The following PFKL variants were observed in gnomAD, a reference collection of about 807,000 sequenced individuals.
The protein encoded by PFKL is phosphofructokinase, liver type, also known as ATP-dependent 6-phosphofructokinase, liver type.
PFKL carries 74 observed loss-of-function variants against 92.1 expected under a neutral mutation model. That is an observed-to-expected ratio of 0.80 (90% confidence interval 0.67 to 0.97). The LOEUF is 0.97. PFKL is among the 50% of genes least tolerant of loss of function. PFKL has a pLI of 0.00. For missense variants in PFKL, 1,028 were observed against 1,116.6 expected, an observed-to-expected ratio of 0.92 and a Z score of 1.13; for synonymous variants, 494 against 456.4, an observed-to-expected ratio of 1.08 and a Z score of -1.05.
rs117002265 is a variant in PFKL at position 44,317,686 on chromosome 21, A to C, written c.937-784A>C. On this transcript the variant is annotated intron_variant, in intron 9 of 21. Transcript: ENST00000349048. ...TTGTGCTCCCTGAGCCCGTATTCCC[A>C]CTGGGTGCTGCGAAGGGGCCAGGGG... Among the ~76,000 whole-genome samples the C allele has an allele frequency of 2.1e-3, 326 of 152,188 alleles. 2 individuals are homozygous for C. The highest frequency in any genetic ancestry group is 7.1e-3 in the African/African-American group (293 of 41,524).
rs766427844 is a variant in PFKL, at chr21:44,300,111, C to T, written c.6C>T (p.Ala2=). The change falls in exon 1 of 22, where the codon GCC becomes GCT. Residue 2 remains alanine, a synonymous_variant. Transcript: ENST00000349048. ...CCCGTGTTTCGGCCGCCGCCATGGC[C>T]GCGGTGGACCTGGAGAAGCTGCGGG... M[A]AVDLEKLRAS... The T allele has an allele frequency of 2.6e-6, 3 of 1,163,468 alleles. No homozygotes were observed. Among genetic ancestry groups the T allele is most frequent in the East Asian group, 7.6e-5 (1 of 13,184 alleles). 72.1% of individuals were successfully genotyped at this position (1,163,468 alleles called of 1,614,324 possible).
At chr21:44,310,923 G>A (rs1297346244) in intron 2 of PFKL, 83 bp from the exon 3 acceptor site, 12 of 922,826 alleles carry the variant, frequency 1.3e-5, no homozygotes, top group Non-Finnish European at 2.1e-5. Context: ...TCTGCTGGTG[G>A]GGTGAAAATC....
In PFKL at chr21:44,326,055, G is replaced by T; in HGVS notation, c.2084G>T (p.Arg695Leu). ...WLSEKLREVY[R>L]KGRVFANAPD... ...TCGGAGAAGCTGCGCGAGGTTTACC[G>T]CAAGGGTAGGTGGTGGGTGCGACCC... The change falls in exon 20 of 22, where the codon CGC (arginine) becomes CTC (leucine). Residue 695 changes from arginine to leucine, a missense_variant. Physicochemically the swap from Arg to Leu is moderately radical, Grantham distance 102. Transcript: ENST00000349048. The T allele has an allele frequency of 1.9e-6, 3 of 1,613,342 alleles. No individual in the cohort carries two copies. Among genetic ancestry groups the T allele is most frequent in the Non-Finnish European group, 2.5e-6 (3 of 1,179,680 alleles).
At chr21:44,310,396 C>T (rs1718993779) in intron 2 of PFKL, among the ~76,000 whole-genome samples, 1 of 152,138 alleles carries the variant, frequency 6.6e-6, no homozygotes, top group African/African-American at 2.4e-5. Flanking sequence ...GCCCTACGAG[C>T]GATGGCCACT....
intron 2 of PFKL, among the ~76,000 whole-genome samples, chr21:44,310,549 ACCCCGCCGGCCGCATG>A (rs2047012040): frequency 6.6e-6 from 1 of 152,076 alleles, no homozygotes; most frequent in African/African-American, 2.4e-5. Flanking sequence ...CGCGCCGCAC[ACCCCGCCGGCCGCATG>A]CCTGGGAGGA....
Position 44,326,868 on chromosome 21 carries a change from G to T in PFKL, c.*6G>T. 6.2e-7 allele frequency: 1 copy of T among 1,603,084 alleles called. No homozygotes were observed. The highest frequency in any genetic ancestry group is 8.5e-7 in the Non-Finnish European group (1 of 1,175,344). On this transcript the variant is annotated 3_prime_UTR_variant, in exon 22 of 22. Coordinates refer to ENST00000349048, the MANE Select transcript of PFKL (RefSeq NM_002626.6). Reference sequence around the variant, plus strand: ...GCATGGACAAGGGCTTCTGAGGCCAGCCATGCCCACGCCCCTCCCCAGCCC... The same window carrying T: ...GCATGGACAAGGGCTTCTGAGGCCATCCATGCCCACGCCCCTCCCCAGCCC...
In PFKL at chr21:44,324,662, C is replaced by T; in HGVS notation, c.1815+7C>T. On this transcript the variant is annotated splice_region_variant and intron_variant, in intron 17 of 21. Transcript: ENST00000349048. ...CAACATCCACGACTTAAAGGTGAGC[C>T]CAGCCCAGCCCCTGCTGCGGCAGAC... is the stretch of plus-strand genomic sequence containing the variant. The T allele has an allele frequency of 3.2e-6, 5 of 1,572,472 alleles. No individual in the cohort carries two copies. The highest frequency in any genetic ancestry group is 4.3e-6 in the Non-Finnish European group (5 of 1,156,836).
intron 18 of PFKL, 78 bp downstream of exon 18, chr21:44,324,995 G>A: frequency 7.0e-7 from 1 of 1,418,702 alleles, no homozygotes; most frequent in Non-Finnish European, 9.8e-7. Context: ...AGGAGCGGCT[G>A]GGCAGGAGAA....
Position 44,306,770 on chromosome 21 carries a change from G to C in PFKL, c.159+16G>C, listed in dbSNP as rs1373825294. ...CATCTACGAGGTAAGGCCAAGGTGG[G>C]CTGTGTGTGTGCAGGGAGTGGGGAC... On this transcript the variant is annotated intron_variant, in intron 2 of 21. Coordinates refer to ENST00000349048, the MANE Select transcript of PFKL (RefSeq NM_002626.6). 1.2e-6 allele frequency: 2 copies of C among 1,611,358 alleles called. No homozygotes were observed. Among genetic ancestry groups the C allele is most frequent in the East Asian group, 4.5e-5 (2 of 44,850 alleles).
At chr21:44,308,960 A>G (rs1340647679) in intron 2 of PFKL, among the ~76,000 whole-genome samples, 1 of 152,096 alleles carries the variant, frequency 6.6e-6, no homozygotes, top group African/African-American at 2.4e-5. Context: ...CTTTCTTCCT[A>G]CGATGACCTC....
intron 2 of PFKL, among the ~76,000 whole-genome samples, chr21:44,308,885 A>G (rs897879940): frequency 3.3e-5 from 5 of 152,282 alleles, no homozygotes; most frequent in Admixed American, 6.5e-5. Flanking sequence ...AGGGGATTCA[A>G]TGGGCTTGGA....
chr21:44,322,286 A>C, intron 14 of PFKL, 83 bp downstream of exon 14: 2 of 1,349,192 alleles, frequency 1.5e-6, no homozygotes, highest in Non-Finnish European at 1.0e-6. Flanking sequence ...GGCAAGGGGA[A>C]CCCAGCCCGG....
Position 44,325,708 on chromosome 21 carries a change from C to T in PFKL, c.1990-253C>T. 7.2e-6 allele frequency: 4 copies of T among 553,828 alleles called. No individual in the cohort carries two copies. The South Asian group carries it at 8.9e-5, about 12-fold the overall frequency. The allele number at this position is 553,828 out of a possible 1,614,324, so 34.3% of individuals were successfully genotyped here. ...GGGCCGCTGGCTGCCGATGCAGGGC[C>T]CAGGAGTCACTTGACTTGGCCAGGG... On this transcript the variant is annotated intron_variant, in intron 19 of 21. Transcript: ENST00000349048.
At chr21:44,317,872 C>T (rs1026427979) in intron 9 of PFKL, among the ~76,000 whole-genome samples, 13 of 152,374 alleles carry the variant, frequency 8.5e-5, no homozygotes, top group East Asian at 1.9e-4. Context: ...GTGTGGAACA[C>T]GGAGGGCTGT....
rs777722162 is a variant in PFKL, at chr21:44,318,532, C to G, written c.999C>G (p.Ala333=). 1 of 1,579,534 alleles carries G rather than the reference C, an allele frequency of 6.3e-7. No homozygotes were observed. The highest frequency in any genetic ancestry group is 1.4e-5 in the African/African-American group (1 of 73,648). The stretch of plus-strand genomic sequence containing the variant: ...TGGAAGCCACGCCTGACACGCCGGC[C>G]TGCGTGGTCACCCTCTCGGGGAACC... ...ALLEATPDTP[A]CVVTLSGNQS... The change falls in exon 10 of 22, where the codon GCC becomes GCG. Residue 333 remains alanine, a synonymous_variant. Transcript: ENST00000349048.
Position 44,326,789 on chromosome 21 carries a change from G to A in PFKL, c.2270G>A (p.Ser757Asn), listed in dbSNP as rs1374372519. The change falls in exon 22 of 22, where the codon AGT becomes AAT. Residue 757 changes from serine (S) to asparagine (N), a missense_variant. Ser to Asn is a conservative substitution (Grantham distance 46). Coordinates refer to ENST00000349048, the MANE Select transcript of PFKL (RefSeq NM_002626.6). ...MLKMLAQYRI[S>N]MAAYVSGELE... The stretch of plus-strand genomic sequence containing the variant: ...AAGATGCTGGCACAATACCGCATCA[G>A]TATGGCCGCCTACGTGTCAGGGGAG... 9 of 1,610,002 alleles carry A rather than the reference G, an allele frequency of 5.6e-6. No individual in the cohort carries two copies. Among genetic ancestry groups the A allele is most frequent in the Non-Finnish European group, 7.6e-6 (9 of 1,178,670 alleles).
intron 4 of PFKL, among the ~76,000 whole-genome samples, 163 bp downstream of exon 4, chr21:44,312,457 G>A (rs1249834016): frequency 6.6e-6 from 1 of 152,194 alleles, no homozygotes; most frequent in Non-Finnish European, 1.5e-5. Flanking sequence ...CTGCCAGCAC[G>A]AGCTCAGATG....
At chr21:44,321,637 T>C in intron 12 of PFKL, 92 bp from the exon 13 acceptor site, 1 of 1,363,558 alleles carries the variant, frequency 7.3e-7, no homozygotes, top group East Asian at 2.7e-5. Context: ...CTGGCCCCTT[T>C]TTCCAGAACC....
At chr21:44,306,602 C>T in intron 1 of PFKL, 79 bp from the exon 2 acceptor site, 2 of 1,302,568 alleles carry the variant, frequency 1.5e-6, no homozygotes, top group African/African-American at 1.5e-5. Context: ...TCCCCTACCC[C>T]CTGTCCTCTG....
Sources: allele counts gnomAD v4.1 joint callset (sites outside exome capture counted in the v4.1 genomes callset), GRCh38; gene constraint gnomAD v4.1.1; transcripts MANE v1.5; gene names NCBI Gene and HGNC (gene_info 2026-07-23, HGNC 2026-07-21).